The following PITPNC1 variants were observed in gnomAD, a reference collection of about 807,000 sequenced individuals.
The protein encoded by PITPNC1 is cytoplasmic phosphatidylinositol transfer protein 1.
PITPNC1 carries 18 observed loss-of-function variants against 44.7 expected under a neutral mutation model. The observed-to-expected ratio is 0.40, with a 90% confidence interval of 0.28 to 0.60. The LOEUF is 0.60. Ranked by LOEUF, PITPNC1 falls within the 20% of genes least tolerant of loss-of-function variation. The pLI is 0.39. For missense variants in PITPNC1, 290 were observed against 418.4 expected (o/e 0.69, Z 2.68); for synonymous variants, 141 against 149.6 (o/e 0.94, Z 0.42).
chr17:67,381,346 A>AG (rs2037956205), intron 1 of PITPNC1, among the ~76,000 whole-genome samples: 1 of 149,152 alleles, frequency 6.7e-6, no homozygotes, highest in African/African-American at 2.4e-5. Context: ...AAAAAAAAAA[A>AG]GGGCTGGGAT....
chr17:67,519,218 C>A (rs1262409908), intron 1 of PITPNC1, among the ~76,000 whole-genome samples: 5 of 138,150 alleles, frequency 3.6e-5, no homozygotes, highest in Non-Finnish European at 7.6e-5. Context: ...GCTCTGTTTC[C>A]CAGGCTGGAG....
At chr17:67,387,920 C>T (rs769485728) in intron 1 of PITPNC1, among the ~76,000 whole-genome samples, 2 of 152,112 alleles carry the variant, frequency 1.3e-5, no homozygotes, top group Non-Finnish European at 2.9e-5. Context: ...TCCGTGGACA[C>T]GCATCTCAGT....
intron 5 of PITPNC1, among the ~76,000 whole-genome samples, chr17:67,591,481 G>A (rs1207690311): frequency 1.3e-5 from 2 of 152,152 alleles, no homozygotes; most frequent in East Asian, 1.9e-4. Context: ...GTGAGAGACT[G>A]TCTTTATTCT....
intron 1 of PITPNC1, among the ~76,000 whole-genome samples, chr17:67,442,308 G>GAAA (rs1292310003): frequency 7.4e-6 from 1 of 135,038 alleles, no homozygotes; most frequent in Non-Finnish European, 1.6e-5. Context: ...GCTCTACAAT[G>GAAA]AAAAAAAAAG....
At chr17:67,500,613 A>G (rs1813615772) in intron 1 of PITPNC1, among the ~76,000 whole-genome samples, 3 of 152,052 alleles carry the variant, frequency 2.0e-5, no homozygotes, top group Admixed American at 2.0e-4. Context: ...TCTACACTTT[A>G]AAAGGACAAA....
At position 67,551,412 on chromosome 17, in the gene PITPNC1, T is replaced by G. The variant is rs947631047; in HGVS notation, c.198-845T>G. On this transcript the variant is annotated intron_variant, in intron 2 of 8. Transcript: ENST00000581322. ...GGGGGCCGGAAACCCAAAATCAAAGTGTTGTTTTCTTCTGGGGAAACTGAG... is the reference window on the plus strand; with the variant it reads ...GGGGGCCGGAAACCCAAAATCAAAGGGTTGTTTTCTTCTGGGGAAACTGAG... Among the ~76,000 whole-genome samples, 9 of 152,234 alleles carry G rather than the reference T, an allele frequency of 5.9e-5. No individual in the cohort carries two copies. In the South Asian group the frequency reaches 8.3e-4, roughly 14 times the overall value.
intron 1 of PITPNC1, among the ~76,000 whole-genome samples, chr17:67,532,448 G>T (rs984994712): frequency 7.2e-5 from 11 of 152,220 alleles, no homozygotes; most frequent in African/African-American, 2.4e-4. Context: ...GCTGTCTTGG[G>T]CCAAACCAAG....
chr17:67,543,944 A>G (rs980674374), intron 2 of PITPNC1, among the ~76,000 whole-genome samples: 4 of 152,164 alleles, frequency 2.6e-5, no homozygotes, highest in African/African-American at 9.7e-5. Context: ...TCCGCCTCCC[A>G]GGTTCAAGCG....
chr17:67,603,681 A>G (rs1194614911), intron 5 of PITPNC1, among the ~76,000 whole-genome samples: 1 of 152,120 alleles, frequency 6.6e-6, no homozygotes, highest in Non-Finnish European at 1.5e-5. Flanking sequence ...TGTAATCCCA[A>G]CACTTTGGGA....
intron 1 of PITPNC1, among the ~76,000 whole-genome samples, chr17:67,515,554 G>A (rs1357125049): frequency 6.6e-6 from 1 of 152,166 alleles, no homozygotes; most frequent in African/African-American, 2.4e-5. Context: ...ATGAATATGC[G>A]ATTCCTGCCT....
intron 1 of PITPNC1, among the ~76,000 whole-genome samples, chr17:67,468,802 T>G (rs2039469914): frequency 6.6e-6 from 1 of 151,220 alleles, no homozygotes; most frequent in African/African-American, 2.4e-5. Flanking sequence ...GTTCAAGCGA[T>G]TCTCCTGCCT....
chr17:67,459,157 G>T (rs184209199), intron 1 of PITPNC1, among the ~76,000 whole-genome samples: 4 of 117,796 alleles, frequency 3.4e-5, no homozygotes, highest in African/African-American at 1.4e-4. Flanking sequence ...TGCTCTTGTC[G>T]CCCAGGCTGG....
chr17:67,528,103 G>A (rs1054829257), intron 1 of PITPNC1, among the ~76,000 whole-genome samples: 2 of 152,114 alleles, frequency 1.3e-5, no homozygotes, highest in East Asian at 1.9e-4. Flanking sequence ...GTGCAGTGGC[G>A]TGATGTCGGC....
chr17:67,683,029 G>A (rs1476983837), intron 8 of PITPNC1, among the ~76,000 whole-genome samples: 2 of 151,740 alleles, frequency 1.3e-5, no homozygotes, highest in African/African-American at 2.4e-5. Flanking sequence ...GTGTGGTGGC[G>A]GGTGCCTGTA....
intron 1 of PITPNC1, among the ~76,000 whole-genome samples, chr17:67,499,826 C>G (rs531201717): frequency 3.9e-5 from 6 of 152,312 alleles, no homozygotes; most frequent in African/African-American, 1.2e-4. Context: ...GCTACACCAT[C>G]TAGGTTTGTG....
intron 5 of PITPNC1, among the ~76,000 whole-genome samples, chr17:67,628,256 T>A (rs932687508): frequency 6.6e-6 from 1 of 152,140 alleles, no homozygotes; most frequent in African/African-American, 2.4e-5. Flanking sequence ...TGCCTTGTAT[T>A]TTTGGTGATA....
At chr17:67,666,730 G>A (rs955604629) in intron 6 of PITPNC1, among the ~76,000 whole-genome samples, 5 of 152,150 alleles carry the variant, frequency 3.3e-5, no homozygotes, top group Non-Finnish European at 5.9e-5. Context: ...ATGGAAGTTG[G>A]CCCTGGGAGT....
chr17:67,427,545 C>T (rs984085467), intron 1 of PITPNC1, among the ~76,000 whole-genome samples: 9 of 152,280 alleles, frequency 5.9e-5, no homozygotes, highest in Middle Eastern at 3.4e-3. Context: ...CCTCGGACTC[C>T]TCGGACTCCT....
chr17:67,571,982 A>C (rs758476716), intron 4 of PITPNC1, among the ~76,000 whole-genome samples: 61 of 152,176 alleles, frequency 4.0e-4, no homozygotes, highest in Non-Finnish European at 7.2e-4. Context: ...GCCATCTCAG[A>C]ATTCTGTCTG....
Sources: allele counts gnomAD v4.1 joint callset (sites outside exome capture counted in the v4.1 genomes callset), GRCh38; gene constraint gnomAD v4.1.1; transcripts MANE v1.5; gene names NCBI Gene and HGNC (gene_info 2026-07-23, HGNC 2026-07-21).